Variants in STX17 observed in about 807,000 individuals in gnomAD.
The protein encoded by STX17 is syntaxin-17.
In STX17, 29 loss-of-function variants were observed where a neutral mutation model predicts 35.9. The ratio of observed to expected loss-of-function variants is 0.81; its 90% CI spans 0.60 to 1.10. The LOEUF (loss-of-function observed/expected upper bound fraction) is 1.10. Ranked by LOEUF, STX17 falls within the 50% of genes least tolerant of loss-of-function variation. The probability of loss-of-function intolerance (pLI) is 0.00; values close to 1 mark genes in which losing one functional copy is unlikely to be tolerated. For missense variants in STX17, 312 were observed against 352.3 expected, an observed-to-expected ratio of 0.89 and a Z score of 0.92; for synonymous variants, 92 against 118.3, an observed-to-expected ratio of 0.78 and a Z score of 1.44.
chr9:99,912,010 T>C (rs1828676166), intron 1 of STX17, among the ~76,000 whole-genome samples: 1 of 152,178 alleles, frequency 6.6e-6, no homozygotes, highest in South Asian at 2.1e-4. Flanking sequence ...GTGGATCACC[T>C]GAGGTCAGGA....
intron 3 of STX17, among the ~76,000 whole-genome samples, chr9:99,940,429 T>C (rs1484131033): frequency 6.6e-6 from 1 of 151,576 alleles, no homozygotes; most frequent in African/African-American, 2.4e-5. Context: ...TAATTGTTTT[T>C]ATAGTGTCAG....
At chr9:99,937,179 A>G (rs1212873451) in intron 3 of STX17, among the ~76,000 whole-genome samples, 1 of 151,900 alleles carries the variant, frequency 6.6e-6, no homozygotes, top group African/African-American at 2.4e-5. Flanking sequence ...CGCTTCTTTT[A>G]TGATTTTCCT....
intron 2 of STX17, among the ~76,000 whole-genome samples, chr9:99,917,658 C>G (rs1258460076): frequency 6.6e-6 from 1 of 152,122 alleles, no homozygotes; most frequent in Non-Finnish European, 1.5e-5. Flanking sequence ...AGAATGTAAT[C>G]CTGAAATTTG....
At chr9:99,912,140 T>C (rs1175127491) in intron 1 of STX17, among the ~76,000 whole-genome samples, 2 of 151,936 alleles carry the variant, frequency 1.3e-5, no homozygotes, top group Non-Finnish European at 2.9e-5. Flanking sequence ...GCAGGAGAAC[T>C]GCTTGAACCC....
At chr9:99,946,948 T>G (rs1829498158) in intron 3 of STX17, among the ~76,000 whole-genome samples, 1 of 152,258 alleles carries the variant, frequency 6.6e-6, no homozygotes. Flanking sequence ...ATTTTTCCTT[T>G]TATTTATTCT....
Position 99,969,462 on chromosome 9 carries a change from A to G in STX17, c.*789A>G, listed in dbSNP as rs1829982059. On this transcript the variant is annotated 3_prime_UTR_variant, in exon 8 of 8. Coordinates refer to ENST00000259400, the MANE Select transcript of STX17 (RefSeq NM_017919.3). The stretch of plus-strand genomic sequence containing the variant: ...TTGGTTTCTGGGGTGAATTCTACCC[A>G]TGTATAATGAGGAATTCTCTCATAA... 6.6e-6 allele frequency: 1 copy of G among 152,192 alleles called. No individual in the cohort carries two copies. The allele number at this position is 152,192 out of a possible 1,614,324, so 9.4% of individuals were successfully genotyped here.
At chr9:99,933,955 T>C (rs1829176696) in intron 3 of STX17, among the ~76,000 whole-genome samples, 1 of 152,184 alleles carries the variant, frequency 6.6e-6, no homozygotes, top group African/African-American at 2.4e-5. Context: ...AGTTTCTACC[T>C]TGAAGGAACT....
rs1829795554 is a variant in STX17 at position 99,960,035 on chromosome 9, A to G, written c.531+3A>G. 6.2e-7 allele frequency: 1 copy of G among 1,613,926 alleles called. No individual in the cohort carries two copies. Among genetic ancestry groups the G allele is most frequent in the African/African-American group, 1.3e-5 (1 of 75,058 alleles). On this transcript the variant is annotated splice_donor_region_variant and intron_variant, in intron 5 of 7. Coordinates refer to ENST00000259400, the MANE Select transcript of STX17 (RefSeq NM_017919.3). ...AATCGTGGGAAACCTTAGAAGCGGTATGTTAAAAAATGTTTTCTTTTTGGT... is the reference window on the plus strand; with the variant it reads ...AATCGTGGGAAACCTTAGAAGCGGTGTGTTAAAAAATGTTTTCTTTTTGGT...
At chr9:99,939,352 T>C (rs930468980) in intron 3 of STX17, among the ~76,000 whole-genome samples, 2 of 152,232 alleles carry the variant, frequency 1.3e-5, no homozygotes, top group Non-Finnish European at 2.9e-5. Context: ...AAAGTTCTTA[T>C]GAGCTGATTA....
At chr9:99,926,541 A>G (rs1828989706) in intron 2 of STX17, among the ~76,000 whole-genome samples, 1 of 151,156 alleles carries the variant, frequency 6.6e-6, no homozygotes, top group African/African-American at 2.4e-5. Context: ...TCTGTTGCCC[A>G]GGCTGGAGTG....
intron 1 of STX17, among the ~76,000 whole-genome samples, chr9:99,908,168 G>A (rs2118277278): frequency 6.6e-6 from 1 of 152,276 alleles, no homozygotes; most frequent in Admixed American, 6.5e-5. Flanking sequence ...TATTGCTCGT[G>A]AGGTTAATCT....
At chr9:99,943,084 C>T in intron 3 of STX17, among the ~76,000 whole-genome samples, 1 of 152,072 alleles carries the variant, frequency 6.6e-6, no homozygotes, top group East Asian at 1.9e-4. Context: ...TAACCTTTTG[C>T]AAATTTATTT....
At chr9:99,922,219 C>A (rs550878436) in intron 2 of STX17, among the ~76,000 whole-genome samples, 4 of 152,242 alleles carry the variant, frequency 2.6e-5, no homozygotes, top group African/African-American at 9.6e-5. Context: ...ATCTCCTGGT[C>A]ATCAAAGATT....
At chr9:99,912,389 A>T (rs568266900) in intron 1 of STX17, among the ~76,000 whole-genome samples, 1 of 152,138 alleles carries the variant, frequency 6.6e-6, no homozygotes, top group Non-Finnish European at 1.5e-5. Flanking sequence ...ATTAAAAAAA[A>T]TACCTTTTGG....
chr9:99,941,676 T>A (rs1030451960), intron 3 of STX17, among the ~76,000 whole-genome samples: 1 of 152,228 alleles, frequency 6.6e-6, no homozygotes, highest in Non-Finnish European at 1.5e-5. Context: ...AAATACTTTG[T>A]ACCTTTTCTG....
At position 99,949,443 on chromosome 9, in the gene STX17, A is replaced by G. The variant is rs1587932944; in HGVS notation, c.190-1617A>G. Among the ~76,000 whole-genome samples, 4 of 152,168 alleles carry G rather than the reference A, an allele frequency of 2.6e-5. 1 individual carries two copies. The highest frequency in any genetic ancestry group is 9.6e-5 in the African/African-American group (4 of 41,558). ...ATTGTATTATATTAAGATACTACAT[A>G]GATAGACATTATTATTATAGTTTAG... On this transcript the variant is annotated intron_variant, in intron 3 of 7. Coordinates refer to ENST00000259400, the MANE Select transcript of STX17 (RefSeq NM_017919.3).
At chr9:99,967,346 T>TA in intron 6 of STX17, 1 of 197,082 alleles carries the variant, frequency 5.1e-6, no homozygotes, top group East Asian at 1.1e-4. Flanking sequence ...TATTTGGATT[T>TA]TTTTTTTCTG....
At chr9:99,929,860 A>C (rs1323461506) in intron 3 of STX17, 1 of 150,328 alleles carries the variant, frequency 6.7e-6, no homozygotes, top group East Asian at 1.9e-4. Flanking sequence ...ATTTTCTCTA[A>C]ATGCTCCATA....
intron 3 of STX17, chr9:99,929,821 T>C (rs1448472721): frequency 2.6e-5 from 4 of 151,818 alleles, no homozygotes; most frequent in Non-Finnish European, 5.9e-5. Flanking sequence ...ATTTTTTAGT[T>C]GTCTGGCTTT....
Sources: gnomAD v4.1 joint callset for allele counts (sites outside exome capture counted in the v4.1 genomes callset) on GRCh38, gnomAD v4.1.1 for gene constraint, MANE v1.5 for transcripts, NCBI Gene and HGNC (gene_info 2026-07-23, HGNC 2026-07-21) for gene names.